Variants in NAV3 observed in about 807,000 individuals in gnomAD.
The protein encoded by NAV3 is neuron navigator 3.
In NAV3, 87 loss-of-function variants were observed where a neutral mutation model predicts 244.7. The observed-to-expected ratio is 0.36, with a 90% CI of 0.30 to 0.42. NAV3 has a LOEUF of 0.42. Ranked by LOEUF, NAV3 falls within the 20% of genes least tolerant of loss-of-function variation. The pLI is 1.00. For missense variants in NAV3, 2,663 were observed against 2,893.3 expected (o/e 0.92, Z 1.83); for synonymous variants, 1,126 against 1,042.2 (o/e 1.08, Z -1.55).
intron 25 of NAV3, among the ~76,000 whole-genome samples, chr12:78,176,014 T>C (rs1203704253): frequency 6.6e-6 from 1 of 152,056 alleles, no homozygotes; most frequent in Non-Finnish European, 1.5e-5. Context: ...ACCGTGTGAA[T>C]AGTTTCACCC....
intron 2 of NAV3, among the ~76,000 whole-genome samples, chr12:77,771,949 G>A (rs1476320533): frequency 1.3e-5 from 2 of 151,886 alleles, no homozygotes; most frequent in African/African-American, 4.8e-5. Context: ...TAACCATTTG[G>A]ATTTAGGTTA....
At chr12:77,613,869 G>A (rs1353755445) in intron 2 of NAV3, among the ~76,000 whole-genome samples, 1 of 152,066 alleles carries the variant, frequency 6.6e-6, no homozygotes, top group African/African-American at 2.4e-5. Flanking sequence ...AAGTCTACCT[G>A]ACGGCCCTTG....
rs1209571795 is a variant in NAV3 at position 78,210,451 on chromosome 12, C to T, written c.7092C>T (p.Ser2364=). ...QEAANYSSTQ[S]CDSESTSHHE... Reference sequence around the variant, plus strand: ...CAGCCAATTACTCGAGCACACAAAGCTGCGACAGCGAAAGCACCAGCCACC... The same window carrying T: ...CAGCCAATTACTCGAGCACACAAAGTTGCGACAGCGAAAGCACCAGCCACC... The change falls in exon 40 of 40, where the codon AGC becomes AGT. Residue 2364 remains serine (S), a synonymous_variant. Coordinates refer to ENST00000397909, the MANE Select transcript of NAV3 (RefSeq NM_001024383.2). The T allele has an allele frequency of 1.5e-5, 25 of 1,613,668 alleles. No homozygotes were observed. Among genetic ancestry groups the T allele is most frequent in the Non-Finnish European group, 2.1e-5 (25 of 1,179,882 alleles).
chr12:77,579,166 A>G lies in NAV3; in HGVS notation c.72+6900A>G, dbSNP rs538006804. On this transcript the variant is annotated intron_variant, in intron 2 of 8. Coordinates refer to the NAV3 transcript ENST00000550042. ...CTTTAGTACTTTAGGTCCAAAAGCC[A>G]AATCTGGGTTTTTGAGTCCCTCAAA... Among the ~76,000 whole-genome samples, 10 of 152,326 alleles carry G rather than the reference A, an allele frequency of 6.6e-5. No individual in the cohort carries two copies. The East Asian group carries it at 1.9e-3, about 29-fold the overall frequency.
chr12:77,615,581 G>C (rs1475052420), intron 2 of NAV3, among the ~76,000 whole-genome samples: 2 of 152,164 alleles, frequency 1.3e-5, no homozygotes, highest in Non-Finnish European at 2.9e-5. Flanking sequence ...GTATCCCATT[G>C]TGTATATATG....
chr12:78,007,503 GAGTGTAAT>G, intron 8 of NAV3, 58 bp downstream of exon 8: 1 of 1,518,274 alleles, frequency 6.6e-7, no homozygotes. Flanking sequence ...TACATACTCA[GAGTGTAAT>G]AGGGAAGGCT....
chr12:77,785,714 A>G (rs1026232594), intron 2 of NAV3, among the ~76,000 whole-genome samples: 1 of 152,178 alleles, frequency 6.6e-6, no homozygotes, highest in African/African-American at 2.4e-5. Context: ...TGTAAGCATT[A>G]ATATTCTCGG....
At chr12:77,597,366 T>G (rs1352678472) in intron 2 of NAV3, among the ~76,000 whole-genome samples, 2 of 152,072 alleles carry the variant, frequency 1.3e-5, no homozygotes, top group African/African-American at 2.4e-5. Context: ...CAGTAAGCCA[T>G]GGAGCCTTGA....
chr12:77,779,123 C>T (rs1392571979), intron 2 of NAV3, among the ~76,000 whole-genome samples: 1 of 152,184 alleles, frequency 6.6e-6, no homozygotes, highest in East Asian at 1.9e-4. Context: ...GGCAATCTGT[C>T]ATATTTCTTG....
intron 16 of NAV3, among the ~76,000 whole-genome samples, chr12:78,123,640 AAGT>A (rs1267371067): frequency 6.6e-6 from 1 of 152,184 alleles, no homozygotes; most frequent in African/African-American, 2.4e-5. Context: ...CCCGATGATA[AAGT>A]AATTTTAACA....
intron 1 of NAV3, among the ~76,000 whole-genome samples, chr12:77,932,827 T>G (rs1005750777): frequency 3.3e-5 from 5 of 152,158 alleles, no homozygotes; most frequent in African/African-American, 1.2e-4. Context: ...GCCTCTTCCT[T>G]TAGTGTTTCC....
chr12:77,962,106 T>C (rs1404831234), intron 3 of NAV3, among the ~76,000 whole-genome samples: 1 of 152,036 alleles, frequency 6.6e-6, no homozygotes, highest in Non-Finnish European at 1.5e-5. Context: ...TACCCCATCC[T>C]CTCCTGATTT....
At chr12:78,065,325 T>C (rs1434815879) in intron 12 of NAV3, among the ~76,000 whole-genome samples, 1 of 152,166 alleles carries the variant, frequency 6.6e-6, no homozygotes, top group African/African-American at 2.4e-5. Context: ...GCTGGCCTCC[T>C]GCCTGCCTGA....
chr12:77,766,858 A>G (rs1341510980), intron 2 of NAV3, among the ~76,000 whole-genome samples: 1 of 146,206 alleles, frequency 6.8e-6, no homozygotes, highest in Non-Finnish European at 1.5e-5. Context: ...GGTTCCAGCA[A>G]TTCTTCCTGC....
intron 28 of NAV3, among the ~76,000 whole-genome samples, chr12:78,179,067 A>C (rs903404584): frequency 2.0e-5 from 3 of 152,156 alleles, no homozygotes; most frequent in Non-Finnish European, 4.4e-5. Context: ...GTAATTAAAG[A>C]CAGTATTGTG....
intron 2 of NAV3, among the ~76,000 whole-genome samples, chr12:77,632,723 A>C (rs563168713): frequency 6.6e-6 from 1 of 152,298 alleles, no homozygotes; most frequent in East Asian, 1.9e-4. Context: ...CTCTTATACT[A>C]CTATAATAGT....
rs1456966693 is a variant in NAV3 at position 77,994,843 on chromosome 12, A to G, written c.712A>G (p.Ile238Val). 1 of 1,609,982 alleles carries G rather than the reference A, an allele frequency of 6.2e-7. No homozygotes were observed. The highest frequency in any genetic ancestry group is 8.5e-7 in the Non-Finnish European group (1 of 1,177,884). ...TGCAACTCAGTCTAATCACAGTGGA[A>G]TTGCAACCAGTCAAAAAAAGCCTAC... is the stretch of plus-strand genomic sequence containing the variant. ...RYATQSNHSG[I>V]ATSQKKPTRL... Residue 238 changes from isoleucine to valine, a missense_variant, in exon 6 of 40, where the codon ATT becomes GTT. Physicochemically the swap from Ile to Val is conservative, Grantham distance 29. Transcript: ENST00000397909.
At chr12:78,078,548 A>C (rs941667358) in intron 12 of NAV3, among the ~76,000 whole-genome samples, 3 of 151,042 alleles carry the variant, frequency 2.0e-5, no homozygotes, top group African/African-American at 7.3e-5. Flanking sequence ...GGCGCCCGCC[A>C]CTACGCCCGG....
At chr12:77,835,166 A>G (rs964262789) in intron 1 of NAV3, among the ~76,000 whole-genome samples, 7 of 152,128 alleles carry the variant, frequency 4.6e-5, no homozygotes, top group Non-Finnish European at 1.0e-4. Flanking sequence ...ATTGCACTCC[A>G]CTTAATTAAA....
Sources: allele counts gnomAD v4.1 joint callset (sites outside exome capture counted in the v4.1 genomes callset), GRCh38; gene constraint gnomAD v4.1.1; transcripts MANE v1.5; gene names NCBI Gene and HGNC (gene_info 2026-07-23, HGNC 2026-07-21).